HCN1: variants seen among roughly 807,000 people sequenced by gnomAD.
The protein encoded by HCN1 is potassium/sodium hyperpolarization-activated cyclic nucleotide-gated channel 1.
In HCN1, 13 loss-of-function variants were observed where a neutral mutation model predicts 78.9. That is an observed-to-expected ratio of 0.16 (90% CI 0.11 to 0.26). The LOEUF (loss-of-function observed/expected upper bound fraction) is 0.26, where lower values mean the gene tolerates loss of function less well. Ranked by LOEUF, HCN1 falls within the 10% of genes least tolerant of loss-of-function variation. HCN1 has a pLI of 1.00. For synonymous variants in HCN1, 552 were observed against 455.5 expected, an observed-to-expected ratio of 1.21 and a Z score of -2.70; for missense variants, 810 against 1,154.3, an observed-to-expected ratio of 0.70 and a Z score of 4.32.
chr5:45,353,918 T>C (rs1283274476), intron 4 of HCN1, among the ~76,000 whole-genome samples: 1 of 152,016 alleles, frequency 6.6e-6, no homozygotes, highest in African/African-American at 2.4e-5. Context: ...TCAACTGTGA[T>C]TGTTTTAAGA....
chr5:45,267,159 C>T lies in HCN1; in HGVS notation c.1713G>A (p.Glu571=). The change falls in exon 7 of 8, where the codon GAG becomes GAA. Residue 571 remains glutamate (E), a synonymous_variant. Transcript: ENST00000303230. ...TCATCATTGGATATTCCTCCAGGAC[C>T]TCGTTGAAATTGTCCACGGAAAGTG... ...LYSLSVDNFN[E]VLEEYPMMRR... 3 of 1,613,948 alleles carry T rather than the reference C, an allele frequency of 1.9e-6. No individual in the cohort carries two copies. The highest frequency in any genetic ancestry group is 2.5e-6 in the Non-Finnish European group (3 of 1,179,860).
intron 5 of HCN1, among the ~76,000 whole-genome samples, chr5:45,342,394 T>TG (rs1746602999): frequency 7.4e-6 from 1 of 134,864 alleles, no homozygotes; most frequent in African/African-American, 3.4e-5. Context: ...TACACCTGGC[T>TG]ATTTTTTTTT....
chr5:45,365,777 AT>A (rs758478533), intron 4 of HCN1, among the ~76,000 whole-genome samples: 1 of 151,588 alleles, frequency 6.6e-6, no homozygotes, highest in African/African-American at 2.4e-5. Flanking sequence ...CGTTTTACTT[AT>A]TTTTTTTAAA....
intron 2 of HCN1, among the ~76,000 whole-genome samples, chr5:45,588,069 C>T (rs1033172838): frequency 6.6e-6 from 1 of 152,106 alleles, no homozygotes; most frequent in African/African-American, 2.4e-5. Context: ...ACATTTCTGT[C>T]GTTTATGTGC....
At chr5:45,653,609 T>C (rs992618321) in intron 1 of HCN1, among the ~76,000 whole-genome samples, 8 of 152,000 alleles carry the variant, frequency 5.3e-5, no homozygotes, top group Non-Finnish European at 7.4e-5. Context: ...TATATACTGC[T>C]GATTTCCCAA....
chr5:45,696,165 C>G lies in HCN1; in HGVS notation c.-72G>C, dbSNP rs941804229. Reference sequence around the variant, plus strand: ...CCGCCCGGCGCCGGAGACACGTAGCCGAGAGGGTAGGGGCCCGAGCCGGCT... The same window carrying G: ...CCGCCCGGCGCCGGAGACACGTAGCGGAGAGGGTAGGGGCCCGAGCCGGCT... On this transcript the variant is annotated 5_prime_UTR_variant, in exon 1 of 8. Coordinates refer to ENST00000303230, the MANE Select transcript of HCN1 (RefSeq NM_021072.4). 2 of 1,094,800 alleles carry G rather than the reference C, an allele frequency of 1.8e-6. No homozygotes were observed. The highest frequency in any genetic ancestry group is 1.2e-6 in the Non-Finnish European group (1 of 866,536). The allele number at this position is 1,094,800 out of a possible 1,614,324, so 67.8% of individuals were successfully genotyped here. A position where few individuals can be genotyped will look rare whatever the true frequency, so the allele number is the denominator to read the frequency against.
At chr5:45,554,185 T>G (rs1579965830) in intron 2 of HCN1, among the ~76,000 whole-genome samples, 1 of 152,014 alleles carries the variant, frequency 6.6e-6, no homozygotes, top group Admixed American at 6.6e-5. Flanking sequence ...TTATTATCAC[T>G]GACAGATAGG....
intron 3 of HCN1, among the ~76,000 whole-genome samples, chr5:45,443,753 G>T (rs1198282422): frequency 6.6e-6 from 1 of 151,912 alleles, no homozygotes; most frequent in African/African-American, 2.4e-5. Context: ...TTCTCTAATT[G>T]TGTTCCAAAT....
intron 2 of HCN1, among the ~76,000 whole-genome samples, chr5:45,478,526 C>T (rs1429401211): frequency 6.6e-6 from 1 of 152,092 alleles, no homozygotes; most frequent in African/African-American, 2.4e-5. Context: ...ACAGGTAGGC[C>T]TCATTTTTAA....
At chr5:45,373,617 A>G (rs897938643) in intron 4 of HCN1, among the ~76,000 whole-genome samples, 10 of 137,298 alleles carry the variant, frequency 7.3e-5, no homozygotes, top group Non-Finnish European at 1.4e-4. Flanking sequence ...GTCATCTATA[A>G]TATATTACAT....
chr5:45,429,921 G>A (rs1740428938), intron 3 of HCN1, among the ~76,000 whole-genome samples: 1 of 151,814 alleles, frequency 6.6e-6, no homozygotes, highest in Non-Finnish European at 1.5e-5. Context: ...AATATGGAGT[G>A]GTAGTTAACA....
chr5:45,589,758 T>C (rs1405282408), intron 2 of HCN1, among the ~76,000 whole-genome samples: 2 of 152,214 alleles, frequency 1.3e-5, no homozygotes, highest in Non-Finnish European at 2.9e-5. Flanking sequence ...TAATAATTTT[T>C]ATTTATCTGA....
At chr5:45,635,418 C>G (rs552859232) in intron 2 of HCN1, among the ~76,000 whole-genome samples, 1 of 151,910 alleles carries the variant, frequency 6.6e-6, no homozygotes, top group Admixed American at 6.6e-5. Context: ...AATGGGAAAC[C>G]CTTTCTGATC....
chr5:45,419,263 C>T (rs1740179744), intron 3 of HCN1, among the ~76,000 whole-genome samples: 1 of 152,128 alleles, frequency 6.6e-6, no homozygotes, highest in Admixed American at 6.6e-5. Flanking sequence ...TAACTGCTTA[C>T]CCAGTACCAG....
intron 4 of HCN1, among the ~76,000 whole-genome samples, chr5:45,372,253 ATATAT>A (rs1409255913): frequency 4.1e-5 from 3 of 73,144 alleles, no homozygotes; most frequent in African/African-American, 1.8e-4. Context: ...TATATATAAT[ATATAT>A]TTATATATAT....
intron 5 of HCN1, among the ~76,000 whole-genome samples, chr5:45,344,411 C>A (rs1746653766): frequency 6.6e-6 from 1 of 152,060 alleles, no homozygotes. Flanking sequence ...CCAACAGTCC[C>A]CCAAAGTCTT....
At chr5:45,688,064 G>A (rs924413060) in intron 1 of HCN1, among the ~76,000 whole-genome samples, 14 of 152,250 alleles carry the variant, frequency 9.2e-5, no homozygotes, top group Middle Eastern at 6.8e-3. Flanking sequence ...AAGGATTGTG[G>A]AAGTGGAATA....
chr5:45,335,240 A>T (rs1387109312), intron 5 of HCN1, among the ~76,000 whole-genome samples: 1 of 152,086 alleles, frequency 6.6e-6, no homozygotes, highest in Non-Finnish European at 1.5e-5. Context: ...AAATCAGTAT[A>T]AGTCTGCTCA....
At position 45,256,340 on chromosome 5, in the gene HCN1, T is replaced by G; in HGVS notation, c.*5581A>C. 7.0e-6 allele frequency: 1 copy of G among 142,080 alleles called. No homozygotes were observed. Among genetic ancestry groups the G allele is most frequent in the African/African-American group, 2.6e-5 (1 of 37,852 alleles). 8.8% of individuals were successfully genotyped at this position (142,080 alleles called of 1,614,324 possible). A position where few individuals can be genotyped will look rare whatever the true frequency, so the allele number is the denominator to read the frequency against. Reference sequence around the variant, plus strand: ...GTGGGCCAAGATCCTGCCATTGCACTCCCACCTGGGTGACAGAGCCAGACT... The same window carrying G: ...GTGGGCCAAGATCCTGCCATTGCACGCCCACCTGGGTGACAGAGCCAGACT... On this transcript the variant is annotated 3_prime_UTR_variant, in exon 8 of 8. Coordinates refer to ENST00000303230, the MANE Select transcript of HCN1 (RefSeq NM_021072.4).
Sources: allele counts gnomAD v4.1 joint callset (sites outside exome capture counted in the v4.1 genomes callset), GRCh38; gene constraint gnomAD v4.1.1; transcripts MANE v1.5; gene names NCBI Gene and HGNC (gene_info 2026-07-23, HGNC 2026-07-21).